Variants in GNPTAB observed in about 807,000 individuals in gnomAD.
The protein encoded by GNPTAB is N-acetylglucosamine-1-phosphotransferase subunits alpha/beta.
Under a neutral mutation model 136.6 loss-of-function variants are expected in GNPTAB, and 92 were observed. The ratio of observed to expected loss-of-function variants is 0.67; its 90% CI spans 0.57 to 0.80. The LOEUF (loss-of-function observed/expected upper bound fraction) is 0.80. GNPTAB is among the 30% of genes least tolerant of loss of function. GNPTAB has a pLI of 0.00. For synonymous variants in GNPTAB, 512 were observed against 535.1 expected, an observed-to-expected ratio of 0.96 and a Z score of 0.60; for missense variants, 1,343 against 1,501.8, an observed-to-expected ratio of 0.89 and a Z score of 1.75.
chr12:101,828,814 T>C (rs1206433228), intron 1 of GNPTAB, among the ~76,000 whole-genome samples: 1 of 152,264 alleles, frequency 6.6e-6, no homozygotes, highest in Non-Finnish European at 1.5e-5. Context: ...AAAATGGTTA[T>C]AATAATAGCA....
Position 101,768,018 on chromosome 12 carries a change from C to T in GNPTAB, c.1408+19G>A, listed in dbSNP as rs762597631. The T allele has an allele frequency of 5.8e-5, 93 of 1,612,820 alleles. No individual in the cohort carries two copies. In the East Asian group the frequency reaches 2.0e-3, roughly 36 times the overall value. ...ATATTCCATAAAAATGAACGAATTA[C>T]AGTTTAACACATCCTTACCAGAGCA... is the stretch of plus-strand genomic sequence containing the variant. On this transcript the variant is annotated intron_variant, in intron 11 of 20. Transcript: ENST00000299314.
intron 10 of GNPTAB, among the ~76,000 whole-genome samples, 185 bp from the exon 11 acceptor site, chr12:101,768,345 G>A (rs1953125125): frequency 1.3e-5 from 2 of 152,196 alleles, no homozygotes; most frequent in Admixed American, 1.3e-4. Context: ...TTTAGATCCT[G>A]CTGCGTTGAC....
At chr12:101,787,099 G>A (rs1037756010) in intron 4 of GNPTAB, among the ~76,000 whole-genome samples, 4 of 152,070 alleles carry the variant, frequency 2.6e-5, no homozygotes, top group Non-Finnish European at 4.4e-5. Context: ...CATAAGCTTC[G>A]TCCTCAGTAA....
At chr12:101,767,925 T>A (rs572431414) in intron 11 of GNPTAB, 112 bp downstream of exon 11, 1 of 1,194,542 alleles carries the variant, frequency 8.4e-7, no homozygotes, top group African/African-American at 1.5e-5. Context: ...CATTACTGAT[T>A]CTTTATTAAT....
chr12:101,802,536 C>A (rs1207317036), intron 1 of GNPTAB, among the ~76,000 whole-genome samples: 1 of 151,984 alleles, frequency 6.6e-6, no homozygotes, highest in Non-Finnish European at 1.5e-5. Flanking sequence ...ACAAAAACAC[C>A]CCTAAAGACT....
At chr12:101,787,137 C>G (rs1381176178) in intron 4 of GNPTAB, among the ~76,000 whole-genome samples, 8 of 152,008 alleles carry the variant, frequency 5.3e-5, no homozygotes, top group Admixed American at 3.9e-4. Flanking sequence ...TAGTCCAGTC[C>G]AAGTAGGGAA....
chr12:101,811,599 G>C (rs1870237229), intron 1 of GNPTAB, among the ~76,000 whole-genome samples: 2 of 151,502 alleles, frequency 1.3e-5, no homozygotes, highest in Non-Finnish European at 2.9e-5. Context: ...TACGTGGCCG[G>C]AGAAGGAGGA....
At chr12:101,765,560 C>T (rs1292130259) in intron 12 of GNPTAB, 3 of 490,402 alleles carry the variant, frequency 6.1e-6, no homozygotes, top group Non-Finnish European at 1.1e-5. Context: ...ATCAGATATC[C>T]TAATACAACA....
At position 101,761,170 on chromosome 12, in the gene GNPTAB, C is replaced by T. The variant is rs758294588; in HGVS notation, c.3092G>A (p.Arg1031Gln). The part of the protein sequence containing the change: ...QSGVLSDREI[R>Q]TLATRIHELP... ...TTCGTGAATTCTGGTAGCCAGTGTT[C>T]GGATTTCTCTGTCAGACAAGACACC... The change falls in exon 15 of 21, where the codon CGA becomes CAA. Residue 1031 changes from arginine (R) to glutamine (Q), a missense_variant. By Grantham distance (43) the Arg-to-Gln change is conservative. Transcript: ENST00000299314. The T allele has an allele frequency of 2.5e-6, 4 of 1,614,002 alleles. No individual in the cohort carries two copies. The highest frequency in any genetic ancestry group is 2.2e-5 in the South Asian group (2 of 91,046).
chr12:101,830,626 C>G lies in GNPTAB; in HGVS notation c.50G>C (p.Arg17Thr). The change falls in exon 1 of 21, where the codon AGG becomes ACG. Residue 17 changes from arginine to threonine, a missense_variant. Physicochemically the swap from Arg to Thr is moderately conservative, Grantham distance 71 (BLOSUM62 -1). Transcript: ENST00000299314. ...CAAGAAGCACACGTAGAGCCCATAC[C>G]TGTGGGACAGGCAGGTATAGGTCTG... ...QRQTYTCLSH[R>T]YGLYVCFLGV... The G allele has an allele frequency of 6.2e-7, 1 of 1,612,984 alleles. No individual in the cohort carries two copies. The highest frequency in any genetic ancestry group is 8.5e-7 in the Non-Finnish European group (1 of 1,179,240).
Position 101,780,390 on chromosome 12 carries a change from T to G in GNPTAB, c.637-104A>C. The G allele has an allele frequency of 2.3e-6, 3 of 1,286,904 alleles. No individual in the cohort carries two copies. In the South Asian group the frequency reaches 3.7e-5, roughly 16 times the overall value. The allele number at this position is 1,286,904 out of a possible 1,614,324, so 79.7% of individuals were successfully genotyped here. A position where few individuals can be genotyped will look rare whatever the true frequency, so the allele number is the denominator to read the frequency against. ...GATCTATTGCATCACAACACAAGCT[T>G]CAAAATATGATTTTTAGGATTACTT... On this transcript the variant is annotated intron_variant, in intron 6 of 20. Transcript: ENST00000299314.
At position 101,770,976 on chromosome 12, in the gene GNPTAB, A is replaced by G. The variant is rs763923161; in HGVS notation, c.933+20T>C. ...CTTAACCTTTGATTTGGGCTGTAAA[A>G]GCTTCTGTGCATCCCTTACCTGGCT... On this transcript the variant is annotated intron_variant, in intron 8 of 20. Transcript: ENST00000299314. 2 of 1,611,868 alleles carry G rather than the reference A, an allele frequency of 1.2e-6. No homozygotes were observed. Among genetic ancestry groups the G allele is most frequent in the Non-Finnish European group, 1.7e-6 (2 of 1,178,002 alleles).
At chr12:101,816,586 T>C (rs1273488567) in intron 1 of GNPTAB, among the ~76,000 whole-genome samples, 1 of 152,226 alleles carries the variant, frequency 6.6e-6, no homozygotes, top group East Asian at 1.9e-4. Context: ...ATGCTTGTAC[T>C]CTGTTAGTGG....
chr12:101,794,521 C>T (rs111405318), intron 2 of GNPTAB, among the ~76,000 whole-genome samples: 2 of 151,042 alleles, frequency 1.3e-5, no homozygotes, highest in African/African-American at 2.4e-5. Flanking sequence ...AAAATCTGTA[C>T]AGAAACTAGC....
At chr12:101,817,457 T>C (rs920951573) in intron 1 of GNPTAB, among the ~76,000 whole-genome samples, 61 of 151,746 alleles carry the variant, frequency 4.0e-4, no homozygotes, top group African/African-American at 1.5e-3. Context: ...TTTGTAGAGA[T>C]GGGGTTTTGT....
chr12:101,797,927 T>C (rs764113058), intron 1 of GNPTAB, among the ~76,000 whole-genome samples: 5 of 152,150 alleles, frequency 3.3e-5, no homozygotes, highest in Non-Finnish European at 4.4e-5. Flanking sequence ...CTCTTTTCCT[T>C]TCAGTAGGAT....
At chr12:101,826,934 T>G (rs1871111014) in intron 1 of GNPTAB, among the ~76,000 whole-genome samples, 2 of 148,206 alleles carry the variant, frequency 1.3e-5, no homozygotes, top group Non-Finnish European at 3.0e-5. Flanking sequence ...TTCTGAAGGC[T>G]CTCCCTGTGG....
At position 101,805,719 on chromosome 12, in the gene GNPTAB, G is replaced by A. The variant is rs1378302946; in HGVS notation, c.118-8957C>T. Among the ~76,000 whole-genome samples the A allele has an allele frequency of 2.0e-5, 3 of 152,062 alleles. No individual in the cohort carries two copies. The East Asian group carries it at 5.8e-4, about 29-fold the overall frequency. On this transcript the variant is annotated intron_variant, in intron 1 of 20. Coordinates refer to ENST00000299314, the MANE Select transcript of GNPTAB (RefSeq NM_024312.5). ...TTATTTTTTTAAAAAATAGCTGCTA[G>A]GCCATTTAAAAAAATTGCTCCTTTC...
At chr12:101,823,644 T>C (rs907364226) in intron 1 of GNPTAB, among the ~76,000 whole-genome samples, 9 of 151,482 alleles carry the variant, frequency 5.9e-5, no homozygotes, top group Non-Finnish European at 1.3e-4. Context: ...AGGTTAAGTT[T>C]TTCTCTCACA....
Sources: allele counts gnomAD v4.1 joint callset (sites outside exome capture counted in the v4.1 genomes callset), GRCh38; gene constraint gnomAD v4.1.1; transcripts MANE v1.5; gene names NCBI Gene and HGNC (gene_info 2026-07-23, HGNC 2026-07-21).